The following ERCC6 variants were observed in gnomAD, a reference collection of about 807,000 sequenced individuals.
The protein encoded by ERCC6 is ERCC excision repair 6, chromatin remodeling factor, also known as DNA excision repair protein ERCC-6.
A neutral mutation model predicts 158.7 loss-of-function variants in ERCC6; 116 were observed. That is an observed-to-expected ratio of 0.73 (90% CI 0.63 to 0.85). The LOEUF (loss-of-function observed/expected upper bound fraction) is 0.85. Among genes scored for constraint, ERCC6 ranks in the 40% least tolerant of loss-of-function variants. The pLI, the probability that ERCC6 is intolerant of heterozygous loss-of-function variation, is 0.00. For synonymous variants in ERCC6, 678 were observed against 659.3 expected, an observed-to-expected ratio of 1.03 and a Z score of -0.43; for missense variants, 1,698 against 1,799.4, an observed-to-expected ratio of 0.94 and a Z score of 1.02.
Position 49,470,539 on chromosome 10 carries a change from G to A in ERCC6, c.3421C>T (p.Pro1141Ser). 1.9e-6 allele frequency: 3 copies of A among 1,614,118 alleles called. No individual in the cohort carries two copies. Among genetic ancestry groups the A allele is most frequent in the South Asian group, 1.1e-5 (1 of 91,078 alleles). The stretch of plus-strand genomic sequence containing the variant: ...TCATCAATGCTTTCATCACCAGATG[G>A]CATAGAAGTTTTGCCTGTTCCTGAA... ...NSSGTGKTSM[P>S]SGDESIDEKL... Residue 1141 changes from proline (P) to serine (S), a missense_variant, in exon 18 of 21, where the codon CCA (proline) becomes TCA (serine). Physicochemically the swap from Pro to Ser is moderately conservative, Grantham distance 74. Coordinates refer to ENST00000355832, the MANE Select transcript of ERCC6 (RefSeq NM_000124.4).
At chr10:49,445,518 A>T in the ERCC6 span, among the ~76,000 whole-genome samples, 1 of 152,258 alleles carries the variant, frequency 6.6e-6, no homozygotes, top group East Asian at 1.9e-4. Flanking sequence ...TGAAACTGCT[A>T]ACACACACAG....
intron 16 of ERCC6, among the ~76,000 whole-genome samples, chr10:49,471,631 T>A (rs1850782984): frequency 6.6e-6 from 1 of 152,110 alleles, no homozygotes; most frequent in African/African-American, 2.4e-5. Context: ...AGCCACCCTG[T>A]CCCTCCCTGT....
intron 18 of ERCC6, among the ~76,000 whole-genome samples, chr10:49,468,899 C>A (rs963714290): frequency 2.0e-5 from 3 of 152,016 alleles, no homozygotes; most frequent in Admixed American, 1.3e-4. Flanking sequence ...GACAAAGGAG[C>A]CAGCTTGAAG....
intron 8 of ERCC6, among the ~76,000 whole-genome samples, chr10:49,492,639 G>A (rs184757391): frequency 2.0e-5 from 3 of 152,260 alleles, no homozygotes; most frequent in African/African-American, 7.2e-5. Flanking sequence ...AAGGATTCAA[G>A]GAACAAAACA....
the ERCC6 span, among the ~76,000 whole-genome samples, chr10:49,449,114 A>G: frequency 6.6e-6 from 1 of 152,138 alleles, no homozygotes; most frequent in African/African-American, 2.4e-5. Flanking sequence ...GTGGCTTCCA[A>G]TCTCTCTACA....
chr10:49,489,167 G>T (rs757665118), intron 8 of ERCC6, among the ~76,000 whole-genome samples: 7 of 152,200 alleles, frequency 4.6e-5, no homozygotes, highest in Non-Finnish European at 1.0e-4. Context: ...AAAAGGTCTA[G>T]ATGATCTTGA....
chr10:49,517,705 C>A (rs1419378367), intron 5 of ERCC6, among the ~76,000 whole-genome samples: 3 of 151,970 alleles, frequency 2.0e-5, no homozygotes, highest in Non-Finnish European at 2.9e-5. Context: ...GCGCACATCA[C>A]CACACCCAGC....
intron 18 of ERCC6, 90 bp downstream of exon 18, chr10:49,470,092 G>T: frequency 1.8e-6 from 2 of 1,125,192 alleles, no homozygotes; most frequent in Non-Finnish European, 1.4e-6. Context: ...AGCCCTCTAT[G>T]CACCATCAGT....
At chr10:49,518,240 T>C (rs566385917) in intron 5 of ERCC6, among the ~76,000 whole-genome samples, 4 of 152,346 alleles carry the variant, frequency 2.6e-5, no homozygotes, top group African/African-American at 7.2e-5. Flanking sequence ...GAATGGGACA[T>C]TGGGTTGGAG....
chr10:49,470,895 A>G lies in ERCC6; in HGVS notation c.3071-6T>C. On this transcript the variant is annotated splice_region_variant and splice_polypyrimidine_tract_variant and intron_variant, in intron 17 of 20. Transcript: ENST00000355832. ...CTGAACATCTGATCCAGTTCCTGTA[A>G]AGAGGAAAAACACCACTAATACTAT... 1 of 1,613,744 alleles carries G rather than the reference A, an allele frequency of 6.2e-7. No homozygotes were observed. Among genetic ancestry groups the G allele is most frequent in the Non-Finnish European group, 8.5e-7 (1 of 1,179,792 alleles).
chr10:49,538,721 G>A (rs912918541), intron 1 of ERCC6, among the ~76,000 whole-genome samples: 2 of 152,234 alleles, frequency 1.3e-5, no homozygotes, highest in South Asian at 2.1e-4. Context: ...GAAGTAGCTG[G>A]GTCGCTGGCC....
At chr10:49,462,822 C>A (rs887006467) in intron 18 of ERCC6, among the ~76,000 whole-genome samples, 7 of 152,230 alleles carry the variant, frequency 4.6e-5, no homozygotes, top group Admixed American at 6.5e-5. Context: ...TAACACCACA[C>A]TCTTGACAAG....
chr10:49,496,912 A>G (rs752017172), intron 7 of ERCC6, among the ~76,000 whole-genome samples: 3 of 152,252 alleles, frequency 2.0e-5, no homozygotes, highest in Non-Finnish European at 4.4e-5. Context: ...CAACTGAAAA[A>G]TAATTTGTAG....
At chr10:49,453,523 GTAT>G (rs200069932), downstream of ERCC6, among the ~76,000 whole-genome samples, 513 of 152,148 alleles carry the variant, frequency 3.4e-3, 2 homozygotes, top group African/African-American at 0.012. Flanking sequence ...CATCATATAC[GTAT>G]TATTTGATAC....
At chr10:49,445,135 A>G in the ERCC6 span, among the ~76,000 whole-genome samples, 3 of 152,246 alleles carry the variant, frequency 2.0e-5, no homozygotes, top group Non-Finnish European at 4.4e-5. Flanking sequence ...GCAACTAAAA[A>G]ATTCATAATT....
rs1469183919 is a variant in ERCC6, at chr10:49,519,386, A to G, written c.1397+4647T>C. Among the ~76,000 whole-genome samples the G allele has an allele frequency of 2.0e-5, 3 of 152,340 alleles. No homozygotes were observed. The East Asian group carries it at 5.8e-4, about 29-fold the overall frequency. Reference sequence around the variant, plus strand: ...CCAAAGACTGGAATGACATGTAGAAAATAAAAACATAAAAGAGGTCATTTT... The same window carrying G: ...CCAAAGACTGGAATGACATGTAGAAGATAAAAACATAAAAGAGGTCATTTT... On this transcript the variant is annotated intron_variant, in intron 5 of 20. Transcript: ENST00000355832.
chr10:49,477,652 C>T (rs974285949), intron 11 of ERCC6, among the ~76,000 whole-genome samples: 2 of 152,134 alleles, frequency 1.3e-5, no homozygotes, highest in Non-Finnish European at 2.9e-5. Context: ...CCCAGTCTTC[C>T]CAGCTAGCTC....
chr10:49,465,608 G>GAA (rs1850661418), intron 18 of ERCC6, among the ~76,000 whole-genome samples: 1 of 152,184 alleles, frequency 6.6e-6, no homozygotes, highest in Non-Finnish European at 1.5e-5. Context: ...CATGTCATGG[G>GAA]AGGAATCTGG....
At chr10:49,485,841 A>G (rs1191139901) in intron 8 of ERCC6, among the ~76,000 whole-genome samples, 1 of 152,238 alleles carries the variant, frequency 6.6e-6, no homozygotes, top group Non-Finnish European at 1.5e-5. Flanking sequence ...CCAGGTTTCA[A>G]ACTAAACCTA....
Sources: allele counts gnomAD v4.1 joint callset (sites outside exome capture counted in the v4.1 genomes callset), GRCh38; gene constraint gnomAD v4.1.1; transcripts MANE v1.5; gene names NCBI Gene and HGNC (gene_info 2026-07-23, HGNC 2026-07-21).